The following TAOK3 variants were observed in gnomAD, a reference collection of about 807,000 sequenced individuals.
TAOK3 encodes the protein TAO kinase 3, also known as serine/threonine-protein kinase TAO3.
In TAOK3, 40 loss-of-function variants were observed where a neutral mutation model predicts 120.4. That is an observed-to-expected ratio of 0.33 (90% CI 0.26 to 0.43). TAOK3 has a LOEUF of 0.43. TAOK3 is among the 20% of genes least tolerant of loss of function. TAOK3 has a pLI of 1.00. For missense variants in TAOK3, 821 were observed against 1,112.1 expected, an observed-to-expected ratio of 0.74 and a Z score of 3.72; for synonymous variants, 355 against 387.5, an observed-to-expected ratio of 0.92 and a Z score of 0.99.
intron 17 of TAOK3, among the ~76,000 whole-genome samples, chr12:118,170,213 G>A (rs1213275863): frequency 2.0e-5 from 3 of 151,116 alleles, no homozygotes; most frequent in Non-Finnish European, 4.4e-5. Flanking sequence ...AGGCTTTCTA[G>A]GCTTTTTCTC....
At chr12:118,341,981 C>T (rs1055074256) in intron 1 of TAOK3, among the ~76,000 whole-genome samples, 2 of 152,212 alleles carry the variant, frequency 1.3e-5, no homozygotes, top group African/African-American at 4.8e-5. Context: ...TATGATTGTA[C>T]CACTGCACTA....
intron 1 of TAOK3, among the ~76,000 whole-genome samples, chr12:118,325,109 T>A (rs894385368): frequency 5.3e-5 from 8 of 152,204 alleles, no homozygotes; most frequent in African/African-American, 1.9e-4. Flanking sequence ...CACATTTTCT[T>A]TATCCATTCA....
intron 1 of TAOK3, among the ~76,000 whole-genome samples, chr12:118,357,321 G>A (rs530879670): frequency 6.6e-6 from 1 of 152,274 alleles, no homozygotes; most frequent in African/African-American, 2.4e-5. Context: ...ACATCCTTAC[G>A]TTTTTAACTC....
intron 13 of TAOK3, among the ~76,000 whole-genome samples, chr12:118,194,178 T>C (rs1468677004): frequency 6.6e-6 from 1 of 152,170 alleles, no homozygotes; most frequent in African/African-American, 2.4e-5. Context: ...AAATGGCTCT[T>C]ATCCGGTGAT....
At chr12:118,273,977 C>G (rs753062870) in intron 1 of TAOK3, among the ~76,000 whole-genome samples, 2 of 151,820 alleles carry the variant, frequency 1.3e-5, no homozygotes, top group Non-Finnish European at 2.9e-5. Flanking sequence ...CAGGTAAAAT[C>G]TTAACTTTAC....
chr12:118,365,649 T>C (rs1408599060), intron 1 of TAOK3, among the ~76,000 whole-genome samples: 1 of 152,234 alleles, frequency 6.6e-6, no homozygotes, highest in African/African-American at 2.4e-5. Context: ...TGATCATTCA[T>C]TAATTCACTC....
chr12:118,267,690 G>T (rs941792876), intron 1 of TAOK3, among the ~76,000 whole-genome samples: 3 of 149,756 alleles, frequency 2.0e-5, no homozygotes, highest in South Asian at 2.2e-4. Context: ...TTCAAGACCA[G>T]CCTGACCAAC....
At chr12:118,242,313 G>A (rs1593270839) in intron 5 of TAOK3, among the ~76,000 whole-genome samples, 1 of 152,104 alleles carries the variant, frequency 6.6e-6, no homozygotes, top group African/African-American at 2.4e-5. Context: ...GGAAGCAATA[G>A]CTCTACATAA....
At chr12:118,201,498 T>C in intron 11 of TAOK3, 35 bp from the exon 12 acceptor site, 4 of 1,584,560 alleles carry the variant, frequency 2.5e-6, no homozygotes, top group Non-Finnish European at 3.4e-6. Flanking sequence ...AAACTGATAA[T>C]GAAGAAATGT....
chr12:118,256,365 C>T (rs2040988372), intron 2 of TAOK3, among the ~76,000 whole-genome samples: 1 of 152,094 alleles, frequency 6.6e-6, no homozygotes, highest in South Asian at 2.1e-4. Flanking sequence ...AACTTAAATA[C>T]CGAGTTACCA....
In TAOK3 at chr12:118,276,254, A is replaced by G. The variant is rs561929610; in HGVS notation, c.-193-9495T>C. Among the ~76,000 whole-genome samples, 8 of 152,324 alleles carry G rather than the reference A, an allele frequency of 5.3e-5. No individual in the cohort carries two copies. The South Asian group carries it at 1.7e-3, about 32-fold the overall frequency. On this transcript the variant is annotated intron_variant, in intron 1 of 20. Transcript: ENST00000392533. ...GCCAGCACCAAGGTGCTGGTGGTAGAGGTAATAAGAATTGGTTGAATTCCA... is the reference window on the plus strand; with the variant it reads ...GCCAGCACCAAGGTGCTGGTGGTAGGGGTAATAAGAATTGGTTGAATTCCA...
At chr12:118,293,955 C>T (rs577678650) in intron 1 of TAOK3, among the ~76,000 whole-genome samples, 5 of 151,488 alleles carry the variant, frequency 3.3e-5, no homozygotes, top group East Asian at 1.9e-4. Flanking sequence ...GCAGAGGTTG[C>T]GGTGAGCCGA....
rs1452448408 is a variant in TAOK3, at chr12:118,164,428, A to T, written c.1900-2401T>A. Among the ~76,000 whole-genome samples, 4 of 152,058 alleles carry T rather than the reference A, an allele frequency of 2.6e-5. No homozygotes were observed. In the East Asian group the frequency reaches 7.8e-4, roughly 30 times the overall value. Reference sequence around the variant, plus strand: ...GTACTTTATTTATACTTATTTATTAAATTTTTGAGACGGAGTTTCTACTTT... The same window carrying T: ...GTACTTTATTTATACTTATTTATTATATTTTTGAGACGGAGTTTCTACTTT... On this transcript the variant is annotated intron_variant, in intron 17 of 20. Coordinates refer to ENST00000392533, the MANE Select transcript of TAOK3 (RefSeq NM_016281.4).
chr12:118,174,549 C>T (rs746302406), intron 16 of TAOK3, among the ~76,000 whole-genome samples: 8 of 151,920 alleles, frequency 5.3e-5, no homozygotes, highest in Non-Finnish European at 1.2e-4. Context: ...CATGAAATTT[C>T]CAAATATCTC....
intron 1 of TAOK3, among the ~76,000 whole-genome samples, chr12:118,270,139 C>T (rs1006526085): frequency 1.3e-5 from 2 of 152,160 alleles, no homozygotes; most frequent in African/African-American, 2.4e-5. Flanking sequence ...TTCCAAGCCC[C>T]AGTCCTGTAT....
intron 9 of TAOK3, among the ~76,000 whole-genome samples, chr12:118,223,062 C>CT (rs75334511): frequency 0.032 from 3,797 of 119,948 alleles, 314 homozygotes; most frequent in African/African-American, 0.095. Context: ...TTCTTTCTTT[C>CT]TTTTTTTTTT....
chr12:118,185,630 T>C (rs1436766442), intron 14 of TAOK3, among the ~76,000 whole-genome samples: 1 of 152,188 alleles, frequency 6.6e-6, no homozygotes, highest in Non-Finnish European at 1.5e-5. Context: ...GGAAAAACTG[T>C]TTTTTAAATT....
intron 11 of TAOK3, among the ~76,000 whole-genome samples, chr12:118,204,298 C>A (rs1350871737): frequency 6.7e-6 from 1 of 150,344 alleles, no homozygotes; most frequent in African/African-American, 2.4e-5. Flanking sequence ...GGCAAAAGTT[C>A]AGTTATGTGG....
intron 9 of TAOK3, among the ~76,000 whole-genome samples, chr12:118,231,370 CT>C (rs76340764): frequency 0.033 from 4,602 of 138,472 alleles, 205 homozygotes; most frequent in African/African-American, 0.11. Context: ...TCCAGGAATT[CT>C]TTTTTTTTTT....
Sources: allele counts gnomAD v4.1 joint callset (sites outside exome capture counted in the v4.1 genomes callset), GRCh38; gene constraint gnomAD v4.1.1; transcripts MANE v1.5; gene names NCBI Gene and HGNC (gene_info 2026-07-23, HGNC 2026-07-21).